MADD: variants seen among roughly 807,000 people sequenced by gnomAD.
MADD encodes MAP kinase activating death domain.
Under a neutral mutation model 176.7 loss-of-function variants are expected in MADD, and 109 were observed. The observed-to-expected ratio is 0.62, with a 90% CI of 0.53 to 0.72. MADD has a LOEUF of 0.72. Among genes scored for constraint, MADD ranks in the 30% least tolerant of loss-of-function variants. The pLI is 0.00. For synonymous variants in MADD, 771 were observed against 771.3 expected, an observed-to-expected ratio of 1.00 and a Z score of 0.01; for missense variants, 1,914 against 2,045.5, an observed-to-expected ratio of 0.94 and a Z score of 1.24.
At position 47,290,655 on chromosome 11, in the gene MADD, CAGTTGG is replaced by C. The variant is rs766585887; in HGVS notation, c.3141_3146del (p.Val1048_Gly1049del). The C allele has an allele frequency of 2.2e-5, 36 of 1,613,964 alleles. No individual in the cohort carries two copies. In the Admixed American group the frequency reaches 5.5e-4, roughly 25 times the overall value. On this transcript the variant is annotated inframe_deletion, in exon 19 of 33. Transcript: ENST00000402192. ...AGTCCAACAGAAAGTGTAAATACCC[CAGTTGG>C]CAAGGATCCTGGCCTAGCTGGGCGG...
chr11:47,309,043 G>A lies in MADD; in HGVS notation c.3752-238G>A. 1 of 1,614,020 alleles carries A rather than the reference G, an allele frequency of 6.2e-7. No individual in the cohort carries two copies. Among genetic ancestry groups the A allele is most frequent in the Non-Finnish European group, 8.5e-7 (1 of 1,179,954 alleles). ...GCAGCTATGGAGACCTTTTCTATAAGTAACCACATTTATTTGTGTGCTGTG... is the reference window on the plus strand; with the variant it reads ...GCAGCTATGGAGACCTTTTCTATAAATAACCACATTTATTTGTGTGCTGTG... On this transcript the variant is annotated intron_variant, in intron 23 of 32. Transcript: ENST00000402192.
chr11:47,278,849 G>A, intron 6 of MADD, 150 bp from the exon 7 acceptor site: 2 of 576,052 alleles, frequency 3.5e-6, no homozygotes, highest in African/African-American at 3.7e-5. Context: ...TGTCATATAT[G>A]TGTGTACATA....
chr11:47,315,338 G>A lies in MADD; in HGVS notation c.4197+11G>A, dbSNP rs758491823. The stretch of plus-strand genomic sequence containing the variant: ...ATCTTTTTCATGGAGGTAGGTGCTG[G>A]TTCATGCTGGGGGCCCAAAGGGCTA... On this transcript the variant is annotated intron_variant, in intron 27 of 32. Transcript: ENST00000402192. 2.6e-6 allele frequency: 4 copies of A among 1,562,776 alleles called. No individual in the cohort carries two copies. The highest frequency in any genetic ancestry group is 3.5e-6 in the Non-Finnish European group (4 of 1,133,862).
chr11:47,290,244 C>T (rs2138460274), exon 18 of MADD: 1 of 1,614,154 alleles, frequency 6.2e-7, no homozygotes, highest in East Asian at 2.2e-5. Context: ...GTCTGGGTGG[C>T]ATGGCCAGCA....
At chr11:47,274,966 T>A (rs1188913272) in exon 3 of MADD, 1 of 1,614,086 alleles carries the variant, frequency 6.2e-7, no homozygotes, top group South Asian at 1.1e-5. Flanking sequence ...TGTGAACCAG[T>A]CTCCTCGGGG....
Position 47,323,701 on chromosome 11 carries a change from A to AACAT in MADD, c.4229_4232dup (p.Gly1412HisfsTer6). On this transcript the variant is annotated frameshift_variant, in exon 28 of 33. Transcript: ENST00000402192. LOFTEE classifies it high-confidence loss of function. The stretch of plus-strand genomic sequence containing the variant: ...CGATGACTGTGTGGTGTTGCGTAGT[A>AACAT]ACATCGGAACAGTGTATGAGCGCTG... 6.2e-7 allele frequency: 1 copy of AACAT among 1,613,974 alleles called. No homozygotes were observed. Among genetic ancestry groups the AACAT allele is most frequent in the Non-Finnish European group, 8.5e-7 (1 of 1,179,970 alleles).
At position 47,311,850 on chromosome 11, in the gene MADD, C is replaced by G; in HGVS notation, c.4089+8C>G. On this transcript the variant is annotated splice_region_variant and intron_variant, in intron 26 of 32. Transcript: ENST00000402192. The stretch of plus-strand genomic sequence containing the variant: ...GATCAGCTGGCGAACCTGGTAAGCA[C>G]GTCTGGCCACCCCTTAGGCTTCCCC... The G allele has an allele frequency of 6.3e-7, 1 of 1,581,350 alleles. No individual in the cohort carries two copies. The highest frequency in any genetic ancestry group is 1.3e-5 in the African/African-American group (1 of 74,402).
Sources: gnomAD v4.1 joint callset for allele counts on GRCh38, gnomAD v4.1.1 for gene constraint, MANE v1.5 for transcripts, NCBI Gene and HGNC (gene_info 2026-07-23, HGNC 2026-07-21) for gene names.